The following SLC6A4 variants were observed in gnomAD, a reference collection of about 807,000 sequenced individuals.
SLC6A4 encodes sodium-dependent serotonin transporter.
In SLC6A4, 22 loss-of-function variants were observed where a neutral mutation model predicts 73.4. That is an observed-to-expected ratio of 0.30 (90% CI 0.21 to 0.43). The LOEUF is 0.43. Among genes scored for constraint, SLC6A4 ranks in the 20% least tolerant of loss-of-function variants. The probability of loss-of-function intolerance (pLI) is 1.00; values close to 1 mark genes in which losing one functional copy is unlikely to be tolerated. For synonymous variants in SLC6A4, 270 were observed against 315.5 expected (o/e 0.86, Z 1.53); for missense variants, 593 against 808.5 (o/e 0.73, Z 3.23).
At position 30,222,889 on chromosome 17, in the gene SLC6A4, A is replaced by T; in HGVS notation, c.-194T>A. 1 of 1,280,842 alleles carries T rather than the reference A, an allele frequency of 7.8e-7. No individual in the cohort carries two copies. Among genetic ancestry groups the T allele is most frequent in the Non-Finnish European group, 1.0e-6 (1 of 967,800 alleles). 79.3% of individuals were successfully genotyped at this position (1,280,842 alleles called of 1,614,324 possible). On this transcript the variant is annotated 5_prime_UTR_variant, in exon 2 of 15. It adds an upstream start codon to the 5' untranslated region. Transcript: ENST00000650711. ...CCTTGTTATTCTGCAAGAGAGGGCA[A>T]GCAAGGTCGCCTTGCCTCCAGGAGA...
chr17:30,230,023 A>AAAG (rs1176858088), intron 1 of SLC6A4, among the ~76,000 whole-genome samples: 1 of 149,548 alleles, frequency 6.7e-6, no homozygotes, highest in Non-Finnish European at 1.5e-5. Flanking sequence ...CCATCTCAAA[A>AAAG]AAGAAGAAGA....
rs1597630368 is a variant in SLC6A4 at position 30,198,405 on chromosome 17, A to G, written c.*51T>C. ...GGGGAGAAGGCAGGCGTGCCTCATC[A>G]GAACTGGAGGAGGAGGTTGTGGAGA... On this transcript the variant is annotated 3_prime_UTR_variant, in exon 15 of 15. Transcript: ENST00000650711. The G allele has an allele frequency of 9.5e-7, 1 of 1,056,380 alleles. No individual in the cohort carries two copies. 65.4% of individuals were successfully genotyped at this position (1,056,380 alleles called of 1,614,324 possible).
intron 1 of SLC6A4, among the ~76,000 whole-genome samples, chr17:30,228,779 A>G (rs1597646272): frequency 6.6e-6 from 1 of 152,030 alleles, no homozygotes; most frequent in South Asian, 2.1e-4. Context: ...CACTCTTTCT[A>G]CTCAATTCTC....
At position 30,198,538 on chromosome 17, in the gene SLC6A4, G is replaced by C; in HGVS notation, c.1819-8C>G. ...AATACTTTTAATAATACGCTATTGG[G>C]AAGAAAATACAATGTTATAAACATC... On this transcript the variant is annotated splice_polypyrimidine_tract_variant and splice_region_variant and intron_variant, in intron 14 of 14. Coordinates refer to ENST00000650711, the MANE Select transcript of SLC6A4 (RefSeq NM_001045.6). The C allele has an allele frequency of 6.7e-7, 1 of 1,503,442 alleles. No homozygotes were observed. The highest frequency in any genetic ancestry group is 2.3e-5 in the East Asian group (1 of 44,174). 93.1% of individuals were successfully genotyped at this position (1,503,442 alleles called of 1,614,324 possible).
At chr17:30,226,534 T>C (rs557234236) in intron 1 of SLC6A4, among the ~76,000 whole-genome samples, 1 of 152,238 alleles carries the variant, frequency 6.6e-6, no homozygotes, top group Admixed American at 6.5e-5. Context: ...ATCCTGTCTC[T>C]ACTAAAAATA....
At chr17:30,207,882 C>A (rs1042729921) in intron 12 of SLC6A4, 50 bp from the exon 13 acceptor site, 9 of 1,301,378 alleles carry the variant, frequency 6.9e-6, no homozygotes, top group Non-Finnish European at 9.9e-6. Context: ...AGGACATGGG[C>A]TGTGCTGCTG....
chr17:30,206,970 T>C (rs1906226299), intron 13 of SLC6A4, among the ~76,000 whole-genome samples: 1 of 152,120 alleles, frequency 6.6e-6, no homozygotes, highest in Non-Finnish European at 1.5e-5. Context: ...CCTCCCAAAG[T>C]GCTGGGATAA....
rs202165522 is a variant in SLC6A4, at chr17:30,210,626, C to T, written c.1338G>A (p.Val446=). The change falls in exon 11 of 15, where the codon GTG becomes GTA. Residue 446 remains valine, a synonymous_variant. Transcript: ENST00000650711. Reference sequence around the variant, plus strand: ...GGAACTCATCCAGCACAGCCGTGATCACCCCCTCCAAGCCTGCAAACTGAG... The same window carrying T: ...GGAACTCATCCAGCACAGCCGTGATTACCCCCTCCAAGCCTGCAAACTGAG... ...LDSTFAGLEG[V]ITAVLDEFPH... is the part of the protein sequence containing the mutation. 1.2e-6 allele frequency: 2 copies of T among 1,612,976 alleles called. No homozygotes were observed. The highest frequency in any genetic ancestry group is 1.7e-6 in the Non-Finnish European group (2 of 1,179,490).
At chr17:30,220,858 C>T (rs1181330122) in intron 3 of SLC6A4, among the ~76,000 whole-genome samples, 3 of 151,896 alleles carry the variant, frequency 2.0e-5, no homozygotes, top group South Asian at 2.1e-4. Context: ...ATAAATGGAG[C>T]GCTAATGATG....
chr17:30,209,312 AG>A, intron 11 of SLC6A4, 70 bp from the exon 12 acceptor site: 1 of 930,328 alleles, frequency 1.1e-6, no homozygotes, highest in South Asian at 1.3e-5. Context: ...AGAGACCTGC[AG>A]GGGCTTCCTC....
chr17:30,212,949 G>T, intron 8 of SLC6A4, 82 bp from the exon 9 acceptor site: 1 of 1,468,066 alleles, frequency 6.8e-7, no homozygotes, highest in Non-Finnish European at 9.4e-7. Context: ...TGCCTGCCCT[G>T]CCTTAGACAG....
At chr17:30,231,050 T>C (rs1449132552) in intron 1 of SLC6A4, among the ~76,000 whole-genome samples, 2 of 152,014 alleles carry the variant, frequency 1.3e-5, no homozygotes, top group African/African-American at 4.8e-5. Context: ...AGAGTAACAC[T>C]GTATGCTAAA....
At chr17:30,214,480 A>G (rs1906490266) in intron 8 of SLC6A4, among the ~76,000 whole-genome samples, 1 of 151,564 alleles carries the variant, frequency 6.6e-6, no homozygotes. Context: ...GTGTTAGTCA[A>G]AATAATGTGA....
chr17:30,222,779 T>G (rs754078012), intron 2 of SLC6A4, 40 bp downstream of exon 2: 28 of 1,303,752 alleles, frequency 2.1e-5, no homozygotes, highest in Non-Finnish European at 2.8e-5. Context: ...CATTATGCAT[T>G]TGCAAGCCCG....
At chr17:30,218,984 G>A (rs1008320592) in intron 3 of SLC6A4, 53 bp from the exon 4 acceptor site, 2 of 1,606,802 alleles carry the variant, frequency 1.2e-6, no homozygotes, top group African/African-American at 1.3e-5. Flanking sequence ...TCCCAGGATA[G>A]CCCAACCAAT....
rs747173078 is a variant in SLC6A4 at position 30,218,168 on chromosome 17, G to T, written c.648C>A (p.Asp216Glu). Reference protein sequence around the residue: ...TGNCTNYFSEDNITWTLHSTS... With the variant: ...TGNCTNYFSEENITWTLHSTS... Reference sequence around the variant, plus strand: ...TGGAATGGAGGGTCCAGGTGATGTTGTCCTCGGAGAAGTAATTGGTGCAGT... The same window carrying T: ...TGGAATGGAGGGTCCAGGTGATGTTTTCCTCGGAGAAGTAATTGGTGCAGT... The change falls in exon 5 of 15, where the codon GAC (aspartate) becomes GAA (glutamate). Residue 216 changes from aspartate (D) to glutamate (E), a missense_variant. Asp to Glu is a conservative substitution (Grantham distance 45, BLOSUM62 2). Coordinates refer to ENST00000650711, the MANE Select transcript of SLC6A4 (RefSeq NM_001045.6). 2 of 1,614,214 alleles carry T rather than the reference G, an allele frequency of 1.2e-6. No homozygotes were observed. Among genetic ancestry groups the T allele is most frequent in the African/African-American group, 1.3e-5 (1 of 75,042 alleles).
intron 1 of SLC6A4, among the ~76,000 whole-genome samples, chr17:30,231,763 C>G (rs1394448841): frequency 2.0e-5 from 3 of 152,196 alleles, no homozygotes; most frequent in Non-Finnish European, 4.4e-5. Context: ...TCCCTGCTGA[C>G]CAGAACAGCT....
At chr17:30,219,082 C>A in intron 3 of SLC6A4, 151 bp from the exon 4 acceptor site, 1 of 845,340 alleles carries the variant, frequency 1.2e-6, no homozygotes, top group Admixed American at 2.2e-5. Flanking sequence ...CCTCTGGTCT[C>A]AGTGCTTTGC....
At position 30,211,260 on chromosome 17, in the gene SLC6A4, C is replaced by A. The variant is rs1906376104; in HGVS notation, c.1317+52G>T. The A allele has an allele frequency of 1.6e-6, 2 of 1,232,934 alleles. No individual in the cohort carries two copies. Among genetic ancestry groups the A allele is most frequent in the Non-Finnish European group, 2.4e-6 (2 of 841,436 alleles). The allele number at this position is 1,232,934 out of a possible 1,614,324, so 76.4% of individuals were successfully genotyped here. A position where few individuals can be genotyped will look rare whatever the true frequency, so the allele number is the denominator to read the frequency against. The stretch of plus-strand genomic sequence containing the variant: ...GGGAATTGAGTCCAGCTGAGTCCTC[C>A]TCCTTTCCTCTTCATCCTCCCACAG... On this transcript the variant is annotated intron_variant, in intron 10 of 14. Coordinates refer to ENST00000650711, the MANE Select transcript of SLC6A4 (RefSeq NM_001045.6). The surrounding 1 kb of genome is among the most constrained non-coding windows in gnomAD (Gnocchi z 4.0).
Sources: allele counts gnomAD v4.1 joint callset (sites outside exome capture counted in the v4.1 genomes callset), GRCh38; gene constraint gnomAD v4.1.1; non-coding constraint Gnocchi (gnomAD v3.1); transcripts MANE v1.5; gene names NCBI Gene and HGNC (gene_info 2026-07-23, HGNC 2026-07-21).